TRIM16: variants seen among roughly 807,000 people sequenced by gnomAD.
The protein encoded by TRIM16 is tripartite motif-containing protein 16.
A neutral mutation model predicts 50.4 loss-of-function variants in TRIM16; 33 were observed. That is an observed-to-expected ratio of 0.65 (90% CI 0.50 to 0.88). The LOEUF (loss-of-function observed/expected upper bound fraction) is 0.88, where lower values mean the gene tolerates loss of function less well. Among genes scored for constraint, TRIM16 ranks in the 40% least tolerant of loss-of-function variants. The probability of loss-of-function intolerance (pLI) is 0.00; values close to 1 mark genes in which losing one functional copy is unlikely to be tolerated. For synonymous variants in TRIM16, 229 were observed against 270.7 expected (o/e 0.85, Z 1.51); for missense variants, 581 against 686.8 (o/e 0.85, Z 1.72).
rs1434731109 is a variant in TRIM16, at chr17:15,634,190, G to A, written c.850-1516C>T. ...TAAAAATACAAAAAATTAGCCGGGC[G>A]CGGTGGCGGGCGCCTGTAGTCCCAG... On this transcript the variant is annotated intron_variant, in intron 9 of 11. Transcript: ENST00000649191. Among the ~76,000 whole-genome samples the A allele has an allele frequency of 3.4e-5, 5 of 148,002 alleles. 1 individual carries two copies. The highest frequency in any genetic ancestry group is 1.0e-4 in the African/African-American group (4 of 39,882).
intron 8 of TRIM16, among the ~76,000 whole-genome samples, chr17:15,638,936 T>C (rs1176738140): frequency 2.7e-5 from 4 of 147,390 alleles, no homozygotes; most frequent in African/African-American, 1.0e-4. Context: ...CTGATCAGTC[T>C]TCAATCTGGT....
chr17:15,679,787 A>G (rs569482998), intron 4 of TRIM16, among the ~76,000 whole-genome samples: 3 of 152,074 alleles, frequency 2.0e-5, no homozygotes, highest in Non-Finnish European at 2.9e-5. Flanking sequence ...AATACAAAAA[A>G]TTAGCCGGGC....
At chr17:15,663,593 A>G (rs757689592) in intron 6 of TRIM16, among the ~76,000 whole-genome samples, 15 of 152,086 alleles carry the variant, frequency 9.9e-5, no homozygotes, top group Non-Finnish European at 1.8e-4. Context: ...AACTATCTAA[A>G]CTGCTTGTTT....
At chr17:15,656,004 A>G (rs1443815512) in intron 6 of TRIM16, among the ~76,000 whole-genome samples, 2 of 152,112 alleles carry the variant, frequency 1.3e-5, no homozygotes, top group Non-Finnish European at 2.9e-5. Flanking sequence ...TGCATGTCCG[A>G]GCTCAATGGG....
intron 7 of TRIM16, among the ~76,000 whole-genome samples, chr17:15,644,498 G>C (rs1175989305): frequency 1.3e-5 from 2 of 152,168 alleles, no homozygotes; most frequent in Admixed American, 1.3e-4. Flanking sequence ...TGCCTTTTGG[G>C]TTTATATGGA....
intron 8 of TRIM16, among the ~76,000 whole-genome samples, chr17:15,640,348 G>T (rs551910416): frequency 1.3e-5 from 2 of 148,882 alleles, no homozygotes; most frequent in South Asian, 4.4e-4. Flanking sequence ...GGGTTGCAGG[G>T]AAGGACCTTT....
intron 7 of TRIM16, among the ~76,000 whole-genome samples, chr17:15,646,802 T>A (rs1987403736): frequency 6.6e-6 from 1 of 152,082 alleles, no homozygotes; most frequent in Non-Finnish European, 1.5e-5. Flanking sequence ...GGACGCTGAC[T>A]GCATGCCTCG....
At chr17:15,635,876 A>G (rs987325534) in intron 9 of TRIM16, among the ~76,000 whole-genome samples, 160 bp downstream of exon 9, 4 of 138,048 alleles carry the variant, frequency 2.9e-5, no homozygotes, top group Non-Finnish European at 4.6e-5. Context: ...CCCCTCCTAT[A>G]CTCTGCTGAA....
chr17:15,646,249 G>A (rs1313243067), intron 7 of TRIM16, among the ~76,000 whole-genome samples: 1 of 151,004 alleles, frequency 6.6e-6, no homozygotes, highest in Non-Finnish European at 1.5e-5. Context: ...ACCTCAAAAG[G>A]TGGAACCACT....
In TRIM16 at chr17:15,651,167, C is replaced by T. The variant is rs766231260; in HGVS notation, c.443G>A (p.Cys148Tyr). 23 of 1,614,108 alleles carry T rather than the reference C, an allele frequency of 1.4e-5. 1 individual carries two copies. The change falls in exon 7 of 12, where the codon TGC becomes TAC. Residue 148 changes from cysteine (C) to tyrosine (Y), a missense_variant. Coordinates refer to ENST00000649191, the MANE Select transcript of TRIM16 (RefSeq NM_001348119.1). ...CTCCTGGCAACAGTCCTGGCAGATG[C>T]ACTGCTGATCAGGGCAGCAGAAGGC... ...LSAFCCPDQQ[C>Y]ICQDCCQEHS...
At chr17:15,682,268 A>G (rs970996542) in intron 3 of TRIM16, among the ~76,000 whole-genome samples, 3 of 152,192 alleles carry the variant, frequency 2.0e-5, no homozygotes, top group African/African-American at 7.2e-5. Context: ...AGGTATGATC[A>G]ATATGTTTGG....
intron 6 of TRIM16, among the ~76,000 whole-genome samples, chr17:15,666,796 G>A (rs1485607380): frequency 6.6e-6 from 1 of 152,170 alleles, no homozygotes; most frequent in Non-Finnish European, 1.5e-5. Context: ...GTAACCAAGC[G>A]TGTTCATCCA....
intron 6 of TRIM16, among the ~76,000 whole-genome samples, chr17:15,659,535 T>C (rs1248879712): frequency 1.3e-5 from 2 of 152,238 alleles, no homozygotes; most frequent in Admixed American, 6.5e-5. Context: ...CTATGCTTTG[T>C]TGAATCTCCA....
chr17:15,649,517 C>T (rs1204640438), intron 7 of TRIM16, among the ~76,000 whole-genome samples: 1 of 152,060 alleles, frequency 6.6e-6, no homozygotes, highest in Non-Finnish European at 1.5e-5. Flanking sequence ...CGATCTCCTG[C>T]CCTCATGATC....
In TRIM16 at chr17:15,636,141, G is replaced by A. The variant is rs765517467; in HGVS notation, c.744C>T (p.Ala248=). Reference sequence around the variant, plus strand: ...ACTCCAGGTGGGCCTTGATACCGTTGGCCTGGCTCAGCGCAGCTTGCTCCT... The same window carrying A: ...ACTCCAGGTGGGCCTTGATACCGTTAGCCTGGCTCAGCGCAGCTTGCTCCT... ...EEKEQAALSQ[A]NGIKAHLEYR... The change falls in exon 9 of 12, where the codon GCC becomes GCT. Residue 248 remains alanine (A), a synonymous_variant. Transcript: ENST00000649191. The A allele has an allele frequency of 3.2e-5, 51 of 1,609,922 alleles. 2 individuals carry two copies. The highest frequency in any genetic ancestry group is 3.3e-4 in the Middle Eastern group (2 of 6,064).
In TRIM16 at chr17:15,651,881, C is replaced by A. The variant is rs1288873777; in HGVS notation, c.-272G>T. 1 of 1,393,276 alleles carries A rather than the reference C, an allele frequency of 7.2e-7. No individual in the cohort carries two copies. Among genetic ancestry groups the A allele is most frequent in the African/African-American group, 1.5e-5 (1 of 68,812 alleles). 86.3% of individuals were successfully genotyped at this position (1,393,276 alleles called of 1,614,324 possible). ...CTCCCCAGGTCCAGCCCTGAAACTTCTATTCTTATGTGAATCATCTGAACC... is the reference window on the plus strand; with the variant it reads ...CTCCCCAGGTCCAGCCCTGAAACTTATATTCTTATGTGAATCATCTGAACC... On this transcript the variant is annotated 5_prime_UTR_variant, in exon 7 of 12. An upstream open reading frame in the 5' UTR gains an earlier in-frame stop. Coordinates refer to ENST00000649191, the MANE Select transcript of TRIM16 (RefSeq NM_001348119.1).
chr17:15,645,363 C>A (rs571481192), intron 7 of TRIM16, among the ~76,000 whole-genome samples: 1 of 152,190 alleles, frequency 6.6e-6, no homozygotes, highest in South Asian at 2.1e-4. Flanking sequence ...GTTCTGTATT[C>A]GAAGGCAGAG....
intron 6 of TRIM16, among the ~76,000 whole-genome samples, chr17:15,670,728 A>T (rs1444178154): frequency 6.6e-6 from 1 of 152,252 alleles, no homozygotes; most frequent in African/African-American, 2.4e-5. Context: ...ATTATTCTAC[A>T]TACAATTAGG....
intron 9 of TRIM16, 103 bp from the exon 10 acceptor site, chr17:15,632,777 G>A: frequency 2.3e-6 from 3 of 1,328,610 alleles, no homozygotes; most frequent in Non-Finnish European, 3.0e-6. Context: ...ATGGGCTGAC[G>A]GTAATGTGTC....
Sources: allele counts gnomAD v4.1 joint callset (sites outside exome capture counted in the v4.1 genomes callset), GRCh38; gene constraint gnomAD v4.1.1; transcripts MANE v1.5; gene names NCBI Gene and HGNC (gene_info 2026-07-23, HGNC 2026-07-21).